The following SIK3 variants were observed in gnomAD, a reference collection of about 807,000 sequenced individuals.
SIK3 encodes the protein serine/threonine-protein kinase SIK3.
In SIK3, 28 loss-of-function variants were observed where a neutral mutation model predicts 144.2. The ratio of observed to expected loss-of-function variants is 0.19; its 90% CI spans 0.14 to 0.27. The LOEUF is 0.27. SIK3 is among the 10% of genes least tolerant of loss of function. SIK3 has a pLI of 1.00. For missense variants in SIK3, 1,319 were observed against 1,776.0 expected (o/e 0.74, Z 4.62); for synonymous variants, 686 against 676.3 (o/e 1.01, Z -0.22).
chr11:117,064,202 G>C (rs1953916412), intron 1 of SIK3, among the ~76,000 whole-genome samples: 1 of 152,114 alleles, frequency 6.6e-6, no homozygotes, highest in African/African-American at 2.4e-5. Context: ...TAATTTGTCA[G>C]TAACTGCCAA....
At chr11:116,990,861 C>T (rs1311756994) in intron 1 of SIK3, among the ~76,000 whole-genome samples, 1 of 152,196 alleles carries the variant, frequency 6.6e-6, no homozygotes, top group East Asian at 1.9e-4. Context: ...CTCCCCTCCA[C>T]CTCCCAAAAT....
At chr11:117,073,456 A>C (rs756828518) in intron 1 of SIK3, among the ~76,000 whole-genome samples, 37 of 152,220 alleles carry the variant, frequency 2.4e-4, no homozygotes, top group Non-Finnish European at 5.0e-4. Context: ...ATATAGACCT[A>C]CTTATAAATC....
chr11:116,995,549 C>T (rs1419174646), intron 1 of SIK3, among the ~76,000 whole-genome samples: 2 of 152,074 alleles, frequency 1.3e-5, no homozygotes, highest in Non-Finnish European at 2.9e-5. Context: ...CAGGTATGAG[C>T]CGCCACACCC....
Position 116,875,436 on chromosome 11 carries a change from T to A in SIK3, c.1255A>T (p.Thr419Ser). 6.2e-7 allele frequency: 1 copy of A among 1,614,164 alleles called. No individual in the cohort carries two copies. Among genetic ancestry groups the A allele is most frequent in the Non-Finnish European group, 8.5e-7 (1 of 1,180,024 alleles). Reference protein sequence around the residue: ...PVNIQAEQAGTAMNISVPQVQ... With the variant: ...PVNIQAEQAGSAMNISVPQVQ... Reference sequence around the variant, plus strand: ...TGGGGAACGCTGATGTTCATAGCAGTACCTGCCTGCTCCGCCTGGAAAGCA... The same window carrying A: ...TGGGGAACGCTGATGTTCATAGCAGAACCTGCCTGCTCCGCCTGGAAAGCA... The change falls in exon 10 of 25, where the codon ACT (threonine) becomes TCT (serine). Residue 419 changes from threonine to serine, a missense_variant. This residue lies in a region of SIK3 where 109 missense variants were observed against 109.3 expected (regional missense o/e 1.00). Coordinates refer to ENST00000445177, the MANE Select transcript of SIK3 (RefSeq NM_001366686.3).
At chr11:117,023,613 A>AC (rs1207562395) in intron 1 of SIK3, among the ~76,000 whole-genome samples, 1 of 85,584 alleles carries the variant, frequency 1.2e-5, no homozygotes, top group Admixed American at 1.0e-4. Flanking sequence ...AACAAACAAA[A>AC]AAAAAAAAAT....
At chr11:117,081,299 G>A (rs142190821) in intron 1 of SIK3, among the ~76,000 whole-genome samples, 1 of 152,234 alleles carries the variant, frequency 6.6e-6, no homozygotes, top group East Asian at 1.9e-4. Context: ...GTATTAGAGA[G>A]GCAAATACAT....
chr11:116,915,080 T>C (rs919590725), intron 4 of SIK3, among the ~76,000 whole-genome samples: 1 of 151,746 alleles, frequency 6.6e-6, no homozygotes, highest in Non-Finnish European at 1.5e-5. Context: ...CAAGAAAAAG[T>C]ATTTATTTAA....
intron 1 of SIK3, among the ~76,000 whole-genome samples, chr11:117,017,353 C>T (rs919365330): frequency 2.0e-5 from 3 of 152,166 alleles, no homozygotes; most frequent in Non-Finnish European, 4.4e-5. Flanking sequence ...CCTAGGCATG[C>T]TAAAAATGTT....
chr11:116,940,423 G>T (rs1363430287), intron 3 of SIK3, among the ~76,000 whole-genome samples: 1 of 151,844 alleles, frequency 6.6e-6, no homozygotes, highest in Non-Finnish European at 1.5e-5. Flanking sequence ...TAAAGACGGG[G>T]TTTCAACATG....
chr11:116,860,350 A>G (rs970550083), intron 19 of SIK3, among the ~76,000 whole-genome samples: 5 of 152,160 alleles, frequency 3.3e-5, no homozygotes, highest in African/African-American at 1.2e-4. Flanking sequence ...GGAAGAGCCT[A>G]GAGGCCAATT....
chr11:116,876,073 C>G, intron 8 of SIK3, 64 bp from the exon 9 acceptor site: 3 of 1,593,474 alleles, frequency 1.9e-6, no homozygotes, highest in African/African-American at 1.4e-5. Context: ...TGACCAGAAC[C>G]CTTTCAGTAA....
chr11:116,968,149 T>C (rs1228262315), intron 1 of SIK3, among the ~76,000 whole-genome samples: 1 of 152,208 alleles, frequency 6.6e-6, no homozygotes, highest in Non-Finnish European at 1.5e-5. Context: ...GGTTTTTTTG[T>C]TTTTGTTTTT....
chr11:116,916,910 A>C (rs1050674687), intron 4 of SIK3, among the ~76,000 whole-genome samples: 1 of 152,006 alleles, frequency 6.6e-6, no homozygotes, highest in Non-Finnish European at 1.5e-5. Context: ...TTCAAGACCA[A>C]ACTAGGCGAC....
In SIK3 at chr11:116,873,961, A is replaced by C. The variant is rs753371578; in HGVS notation, c.1523T>G (p.Phe508Cys). The C allele has an allele frequency of 6.2e-7, 1 of 1,614,036 alleles. No individual in the cohort carries two copies. The highest frequency in any genetic ancestry group is 8.5e-7 in the Non-Finnish European group (1 of 1,179,976). The stretch of plus-strand genomic sequence containing the variant: ...TTGCATAGGCAACAGGTTGTGCATG[A>C]AGTTCACATTAGGGGCCACCTGCAG... ...PFLQVAPNVNFMHNLLPMQNL... is the reference protein window; with the variant it reads ...PFLQVAPNVNCMHNLLPMQNL... The change falls in exon 12 of 25, where the codon TTC becomes TGC. Residue 508 changes from phenylalanine to cysteine, a missense_variant. By Grantham distance (205) the Phe-to-Cys change is radical. Coordinates refer to ENST00000445177, the MANE Select transcript of SIK3 (RefSeq NM_001366686.3).
chr11:117,018,611 T>C (rs1299408710), intron 1 of SIK3, among the ~76,000 whole-genome samples: 1 of 152,164 alleles, frequency 6.6e-6, no homozygotes, highest in Non-Finnish European at 1.5e-5. Context: ...TGGGCAAATG[T>C]TGCTGGGAAG....
At chr11:116,871,756 G>A (rs1003692819) in intron 13 of SIK3, among the ~76,000 whole-genome samples, 64 of 152,158 alleles carry the variant, frequency 4.2e-4, no homozygotes, top group Non-Finnish European at 2.5e-4. Context: ...AAAGACAAGA[G>A]TTAAAGATAA....
intron 1 of SIK3, among the ~76,000 whole-genome samples, chr11:116,988,664 T>G (rs1264002233): frequency 4.0e-5 from 6 of 151,514 alleles, no homozygotes; most frequent in Non-Finnish European, 8.8e-5. Flanking sequence ...CATATTAATG[T>G]GCACCTGTGG....
chr11:116,977,201 ACTT>A (rs1247010161), intron 1 of SIK3, among the ~76,000 whole-genome samples: 2 of 150,808 alleles, frequency 1.3e-5, no homozygotes, highest in African/African-American at 4.9e-5. Context: ...ACAAGGGAAA[ACTT>A]CTCTCTTCTT....
At chr11:116,881,583 G>GTTT (rs1944554452) in intron 6 of SIK3, among the ~76,000 whole-genome samples, 1 of 151,912 alleles carries the variant, frequency 6.6e-6, no homozygotes, top group Admixed American at 6.6e-5. Context: ...ATTTCTCTAA[G>GTTT]TGGTTACAAC....
Sources: allele counts gnomAD v4.1 joint callset (sites outside exome capture counted in the v4.1 genomes callset), GRCh38; gene constraint gnomAD v4.1.1; regional missense constraint gnomAD v4.1.1; transcripts MANE v1.5; gene names NCBI Gene and HGNC (gene_info 2026-07-23, HGNC 2026-07-21).